The following TRIO variants were observed in gnomAD, a reference collection of about 807,000 sequenced individuals.
The protein encoded by TRIO is trio Rho guanine nucleotide exchange factor.
A neutral mutation model predicts 351.9 loss-of-function variants in TRIO; 58 were observed. That is an observed-to-expected ratio of 0.16 (90% CI 0.13 to 0.21). The LOEUF (loss-of-function observed/expected upper bound fraction) is 0.21, where lower values mean the gene tolerates loss of function less well. TRIO is among the 10% of genes least tolerant of loss of function. TRIO has a pLI of 1.00. For synonymous variants in TRIO, 1,758 were observed against 1,595.7 expected (o/e 1.10, Z -2.42); for missense variants, 3,201 against 4,027.8 (o/e 0.79, Z 5.56).
chr5:14,182,427 A>G (rs941284137), intron 1 of TRIO, among the ~76,000 whole-genome samples: 1 of 152,246 alleles, frequency 6.6e-6, no homozygotes, highest in African/African-American at 2.4e-5. Context: ...GTCAGAGTGT[A>G]GGTGGAATAG....
chr5:14,358,699 A>C (rs911420587), intron 12 of TRIO, among the ~76,000 whole-genome samples: 4 of 152,220 alleles, frequency 2.6e-5, no homozygotes, highest in African/African-American at 9.6e-5. Flanking sequence ...CCTCAGGCTG[A>C]TCTAGAGCAC....
rs1049643619 is a variant in TRIO, at chr5:14,281,798, A to G, written c.347+1362A>G. On this transcript the variant is annotated intron_variant, in intron 3 of 56. Coordinates refer to ENST00000344204, the MANE Select transcript of TRIO (RefSeq NM_007118.4). ...ACTAAATGAGGATGTGTGAGAGAAAACTCGGCCATAATATGGGCTGGCTAG... is the reference window on the plus strand; with the variant it reads ...ACTAAATGAGGATGTGTGAGAGAAAGCTCGGCCATAATATGGGCTGGCTAG... Among the ~76,000 whole-genome samples the G allele has an allele frequency of 3.3e-5, 5 of 151,926 alleles. No individual in the cohort carries two copies. In the South Asian group the frequency reaches 8.3e-4, roughly 25 times the overall value.
At chr5:14,350,987 T>C (rs183348363) in intron 11 of TRIO, among the ~76,000 whole-genome samples, 50 of 152,216 alleles carry the variant, frequency 3.3e-4, no homozygotes, top group South Asian at 8.3e-4. Context: ...CAATTCACAG[T>C]AGGGTTCACA....
intron 6 of TRIO, among the ~76,000 whole-genome samples, chr5:14,294,010 T>TA (rs113119352): frequency 0.076 from 4,526 of 59,804 alleles, 238 homozygotes; most frequent in African/African-American, 0.29. Context: ...ACCCCATCTC[T>TA]AAAAAAAAAA....
intron 1 of TRIO, among the ~76,000 whole-genome samples, chr5:14,190,960 T>C (rs76014453): frequency 0.043 from 6,527 of 152,222 alleles, 478 homozygotes; most frequent in African/African-American, 0.15. Flanking sequence ...GTAATGACAC[T>C]CTCCCCTGAG....
intron 31 of TRIO, among the ~76,000 whole-genome samples, chr5:14,403,512 TGGTG>T (rs1748367533): frequency 9.7e-6 from 1 of 103,492 alleles, no homozygotes; most frequent in African/African-American, 4.3e-5. Flanking sequence ...GTGTAGGTGG[TGGTG>T]GTGAGGGTGC....
At chr5:14,229,927 T>C (rs506330) in intron 1 of TRIO, among the ~76,000 whole-genome samples, 62,890 of 152,090 alleles carry the variant, frequency 0.41, 14,515 homozygotes, top group East Asian at 0.54. Context: ...TTTGAGTCAG[T>C]CTTGCTGTGA....
At chr5:14,493,353 C>A (rs1056098807) in intron 49 of TRIO, among the ~76,000 whole-genome samples, 1 of 152,054 alleles carries the variant, frequency 6.6e-6, no homozygotes, top group Non-Finnish European at 1.5e-5. Flanking sequence ...GCAAGTCTCT[C>A]GGTGCCATTT....
chr5:14,165,813 T>G (rs547025575), intron 1 of TRIO, among the ~76,000 whole-genome samples: 2 of 152,276 alleles, frequency 1.3e-5, no homozygotes, highest in East Asian at 3.9e-4. Context: ...GTGGTGTCAT[T>G]CTTAGCCTTG....
At chr5:14,185,779 T>C (rs915505426) in intron 1 of TRIO, among the ~76,000 whole-genome samples, 2 of 152,220 alleles carry the variant, frequency 1.3e-5, no homozygotes, top group African/African-American at 4.8e-5. Flanking sequence ...AATGGACAAA[T>C]GTGAGTCCTT....
intron 48 of TRIO, among the ~76,000 whole-genome samples, chr5:14,491,633 C>G (rs1756494848): frequency 6.6e-6 from 1 of 152,156 alleles, no homozygotes. Flanking sequence ...TGTGTGTGGC[C>G]TGGGTAGGGC....
intron 31 of TRIO, among the ~76,000 whole-genome samples, chr5:14,402,582 T>G (rs977361140): frequency 6.6e-6 from 1 of 150,984 alleles, no homozygotes; most frequent in Non-Finnish European, 1.5e-5. Flanking sequence ...GGTGAAAGTT[T>G]AGATGGCAGT....
chr5:14,364,925 G>A (rs954231229), intron 15 of TRIO, 109 bp downstream of exon 15: 2 of 1,356,368 alleles, frequency 1.5e-6, no homozygotes. Flanking sequence ...TGCCTGCTCA[G>A]AACACAGCTT....
intron 24 of TRIO, 100 bp downstream of exon 24, chr5:14,388,779 A>AT (rs1746786838): frequency 4.5e-6 from 6 of 1,342,874 alleles, no homozygotes; most frequent in African/African-American, 3.0e-5. Context: ...AATAATCACA[A>AT]TTTTTTTCTG....
At chr5:14,292,692 G>A (rs1184209164) in intron 5 of TRIO, among the ~76,000 whole-genome samples, 2 of 152,182 alleles carry the variant, frequency 1.3e-5, no homozygotes, top group South Asian at 2.1e-4. Flanking sequence ...GTAGTTCAGC[G>A]TGGCAGGGAG....
In TRIO at chr5:14,233,316, T is replaced by TAAAAA. The variant is rs35925373; in HGVS notation, c.158-37489_158-37485dup. Among the ~76,000 whole-genome samples, 109 of 109,208 alleles carry TAAAAA rather than the reference T, an allele frequency of 1.0e-3. 1 individual carries two copies. Among genetic ancestry groups the TAAAAA allele is most frequent in the African/African-American group, 3.8e-3 (102 of 26,896 alleles). The allele number at this position is 109,208 out of a possible 152,430, so 71.6% of individuals were successfully genotyped here. ...GGCAACATGGCGAGACCTCGTCTCTTAAAAAAAAAAAAAAAAAAAAAAAAT... is the reference window on the plus strand; with the variant it reads ...GGCAACATGGCGAGACCTCGTCTCTTAAAAAAAAAAAAAAAAAAAAAAAAAAAAAT... On this transcript the variant is annotated intron_variant, in intron 1 of 56. Coordinates refer to ENST00000344204, the MANE Select transcript of TRIO (RefSeq NM_007118.4).
At chr5:14,288,048 A>C (rs979247872) in intron 4 of TRIO, among the ~76,000 whole-genome samples, 3 of 152,158 alleles carry the variant, frequency 2.0e-5, no homozygotes, top group African/African-American at 7.2e-5. Context: ...CTTAGTTTTA[A>C]ATTTGAAACT....
At chr5:14,380,928 C>T (rs1285013195) in intron 20 of TRIO, among the ~76,000 whole-genome samples, 2 of 152,162 alleles carry the variant, frequency 1.3e-5, no homozygotes, top group South Asian at 2.1e-4. Context: ...CTGTTATAAC[C>T]ATCTAGAATA....
intron 1 of TRIO, among the ~76,000 whole-genome samples, chr5:14,245,769 C>T (rs1333920985): frequency 2.0e-5 from 3 of 152,210 alleles, no homozygotes; most frequent in Non-Finnish European, 2.9e-5. Context: ...TATTCTGGCC[C>T]GTGCCACAGA....
Sources: gnomAD v4.1 joint callset for allele counts (sites outside exome capture counted in the v4.1 genomes callset) on GRCh38, gnomAD v4.1.1 for gene constraint, MANE v1.5 for transcripts, NCBI Gene and HGNC (gene_info 2026-07-23, HGNC 2026-07-21) for gene names.